Variants in TMC4 observed in about 807,000 individuals in gnomAD.
The protein encoded by TMC4 is transmembrane channel like 4, also known as voltage-gated chloride channel TMC4.
TMC4 carries 70 observed loss-of-function variants against 82.0 expected under a neutral mutation model. The observed-to-expected ratio is 0.85, with a 90% CI of 0.70 to 1.04. TMC4 has a LOEUF of 1.04. Ranked by LOEUF, TMC4 falls within the 50% of genes least tolerant of loss-of-function variation. The pLI is 0.00. For missense variants in TMC4, 879 were observed against 899.0 expected (o/e 0.98, Z 0.28); for synonymous variants, 446 against 406.0 (o/e 1.10, Z -1.18).
intron 5 of TMC4, among the ~76,000 whole-genome samples, chr19:54,166,323 CA>C (rs58329832): frequency 0.26 from 28,353 of 107,700 alleles, 2,943 homozygotes; most frequent in Non-Finnish European, 0.34. Context: ...AGGTCGCCTC[CA>C]AAAAAAAAAA....
At chr19:54,171,611 G>A (rs1347337837) in intron 2 of TMC4, among the ~76,000 whole-genome samples, 1 of 152,216 alleles carries the variant, frequency 6.6e-6, no homozygotes, top group Non-Finnish European at 1.5e-5. Flanking sequence ...GGCAGAGACA[G>A]GATTGGTGGA....
rs761780580 is a variant in TMC4, at chr19:54,161,008, G to A, written c.1843C>T (p.Pro615Ser). The A allele has an allele frequency of 6.2e-7, 1 of 1,614,146 alleles. No homozygotes were observed. Among genetic ancestry groups the A allele is most frequent in the East Asian group, 2.2e-5 (1 of 44,872 alleles). Reference protein sequence around the residue: ...FLIPPSKLCGPFRGQSSIWAQ... With the variant: ...FLIPPSKLCGSFRGQSSIWAQ... ...CAGATGGACGACTGCCCCCGGAATG[G>A]ACCACACAGCTTAGAAGGCGGGATC... The change falls in exon 13 of 15, where the codon CCA (proline) becomes TCA (serine). Residue 615 changes from proline (P) to serine (S), a missense_variant. By Grantham distance (74) the Pro-to-Ser change is moderately conservative. Coordinates refer to ENST00000619895, the MANE Select transcript of TMC4 (RefSeq NM_144686.4).
intron 11 of TMC4, among the ~76,000 whole-genome samples, 179 bp from the exon 12 acceptor site, chr19:54,161,439 C>G (rs2075552362): frequency 6.6e-6 from 1 of 150,930 alleles, no homozygotes; most frequent in Non-Finnish European, 1.5e-5. Flanking sequence ...AGCCTCCCCT[C>G]CCGGGTTCAA....
intron 5 of TMC4, among the ~76,000 whole-genome samples, chr19:54,167,076 T>A (rs752951535): frequency 6.6e-6 from 1 of 151,778 alleles, no homozygotes; most frequent in South Asian, 2.1e-4. Flanking sequence ...CTGGGCAACA[T>A]AGCAAGACCC....
intron 1 of TMC4, chr19:54,172,638 G>A: frequency 3.5e-6 from 1 of 281,904 alleles, no homozygotes; most frequent in Non-Finnish European, 6.5e-6. Context: ...CAGGAGTCCG[G>A]GTGCCAGCCT....
At position 54,165,478 on chromosome 19, in the gene TMC4, C is replaced by G; in HGVS notation, c.886G>C (p.Gly296Arg). The change falls in exon 6 of 15, where the codon GGT becomes CGT. Residue 296 changes from glycine to arginine, a missense_variant. Coordinates refer to ENST00000619895, the MANE Select transcript of TMC4 (RefSeq NM_144686.4). ...SHRVFSAWDF[G>R]LCGDVHVRLR... ...CGCACGTGGACGTCCCCGCAGAGAC[C>G]GAAGTCCCAGGCCGAGAACACCCGG... The G allele has an allele frequency of 6.2e-7, 1 of 1,613,036 alleles. No homozygotes were observed. Among genetic ancestry groups the G allele is most frequent in the Non-Finnish European group, 8.5e-7 (1 of 1,179,532 alleles).
In TMC4 at chr19:54,169,650, C is replaced by T. The variant is rs1182425370; in HGVS notation, c.304G>A (p.Ala102Thr). 1 of 1,613,412 alleles carries T rather than the reference C, an allele frequency of 6.2e-7. No individual in the cohort carries two copies. The highest frequency in any genetic ancestry group is 1.3e-5 in the African/African-American group (1 of 74,904). Residue 102 changes from alanine to threonine, a missense_variant, in exon 3 of 15, where the codon GCC becomes ACC. By Grantham distance (58) the Ala-to-Thr change is moderately conservative. Coordinates refer to ENST00000619895, the MANE Select transcript of TMC4 (RefSeq NM_144686.4). Reference sequence around the variant, plus strand: ...CCATAGACCACCTGGTCCCTGCTGGCATTTCTTTGCCTGGGAGGGAAACAG... The same window carrying T: ...CCATAGACCACCTGGTCCCTGCTGGTATTTCTTTGCCTGGGAGGGAAACAG... Reference protein sequence around the residue: ...QARRAHRQRNASRDQVVYGSG... With the variant: ...QARRAHRQRNTSRDQVVYGSG...
rs994633733 is a variant in TMC4 at position 54,164,377 on chromosome 19, C to T, written c.1113+57G>A. On this transcript the variant is annotated intron_variant, in intron 7 of 14. Coordinates refer to ENST00000619895, the MANE Select transcript of TMC4 (RefSeq NM_144686.4). ...CCCAAACTTCCGTCCCCTCCCTCCACCGTTGGAAATGTAGGTTCCAGGACC... is the reference window on the plus strand; with the variant it reads ...CCCAAACTTCCGTCCCCTCCCTCCATCGTTGGAAATGTAGGTTCCAGGACC... 3.9e-5 allele frequency: 61 copies of T among 1,548,916 alleles called. No homozygotes were observed. The African/African-American group carries it at 5.9e-4, about 15-fold the overall frequency.
Position 54,165,518 on chromosome 19 carries a change from C to G in TMC4, c.846G>C (p.Leu282=), listed in dbSNP as rs1412510772. 1 of 1,612,476 alleles carries G rather than the reference C, an allele frequency of 6.2e-7. No individual in the cohort carries two copies. The highest frequency in any genetic ancestry group is 1.1e-5 in the South Asian group (1 of 90,938). Residue 282 remains leucine, a synonymous_variant, in exon 6 of 15, where the codon CTG becomes CTC. Transcript: ENST00000619895. ...AGAACACCCGGTGGCTGTAGCTGGT[C>G]AGAGCCTCGGACTCCGCCAGCAGTG... The part of the protein sequence containing the change: ...KQTLLAESEA[L]TSYSHRVFSA...
At chr19:54,162,389 TG>T (rs779701144) in intron 10 of TMC4, 104 bp from the exon 11 acceptor site, 84,257 of 250,256 alleles carry the variant, frequency 0.34, 3,877 homozygotes, top group Admixed American at 0.36. Flanking sequence ...GTATTGGTGG[TG>T]GGGGGGGGGG....
intron 13 of TMC4, 39 bp downstream of exon 13, chr19:54,160,839 C>A (rs1433131597): frequency 6.2e-7 from 1 of 1,607,788 alleles, no homozygotes; most frequent in Non-Finnish European, 8.5e-7. Flanking sequence ...CCAGATCACA[C>A]GCATTCAAAC....
chr19:54,162,386 T>TGGGGGGGG, intron 10 of TMC4, 101 bp from the exon 11 acceptor site: 1 of 350,858 alleles, frequency 2.9e-6, no homozygotes, highest in Non-Finnish European at 4.9e-6. Flanking sequence ...TGCGTATTGG[T>TGGGGGGGG]GGTGGGGGGG....
At chr19:54,171,812 G>A (rs2075896934) in intron 2 of TMC4, 58 bp downstream of exon 2, 1 of 1,472,588 alleles carries the variant, frequency 6.8e-7, no homozygotes, top group Non-Finnish European at 9.1e-7. Context: ...CGAGTCCAGG[G>A]TATGGGAGAA....
Position 54,164,467 on chromosome 19 carries a change from G to A in TMC4, c.1080C>T (p.Val360=), listed in dbSNP as rs757134157. The change falls in exon 7 of 15, where the codon GTC becomes GTT. Residue 360 remains valine, a synonymous_variant. Transcript: ENST00000619895. ...VALLGAAFYG[V]YWATGCTVEL... ...CCACGGTGCACCCCGTAGCCCAGTA[G>A]ACGCCATAGAAGGCTGCCCCCAGGA... 6.2e-7 allele frequency: 1 copy of A among 1,613,742 alleles called. No individual in the cohort carries two copies. The highest frequency in any genetic ancestry group is 1.1e-5 in the South Asian group (1 of 91,052).
rs144687214 is a variant in TMC4, at chr19:54,165,701, C to G, written c.798-135G>C. Reference sequence around the variant, plus strand: ...GGTACTAGGCGAGTTCCCACCAGACCAGATGGGGAAAGAGTCAAAGAGGCG... The same window carrying G: ...GGTACTAGGCGAGTTCCCACCAGACGAGATGGGGAAAGAGTCAAAGAGGCG... On this transcript the variant is annotated intron_variant, in intron 5 of 14. Coordinates refer to ENST00000619895, the MANE Select transcript of TMC4 (RefSeq NM_144686.4). 1.3e-4 allele frequency: 133 copies of G among 1,004,712 alleles called. 2 individuals are homozygous for G. The South Asian group carries it at 1.5e-3, about 11-fold the overall frequency. The allele number at this position is 1,004,712 out of a possible 1,614,324, so 62.2% of individuals were successfully genotyped here. A position where few individuals can be genotyped will look rare whatever the true frequency, so the allele number is the denominator to read the frequency against.
intron 7 of TMC4, 103 bp from the exon 8 acceptor site, chr19:54,163,990 T>TC (rs2075637518): frequency 1.6e-6 from 2 of 1,278,480 alleles, no homozygotes; most frequent in Non-Finnish European, 2.1e-6. Flanking sequence ...TTTTTTTTTT[T>TC]TTGAGACAGA....
intron 10 of TMC4, 51 bp from the exon 11 acceptor site, chr19:54,162,336 G>GT: frequency 7.8e-7 from 1 of 1,286,484 alleles, no homozygotes; most frequent in Non-Finnish European, 9.9e-7. Context: ...GCGGCCTGGA[G>GT]TTTCCACGCC....
intron 2 of TMC4, among the ~76,000 whole-genome samples, chr19:54,170,268 G>A (rs929132267): frequency 3.3e-5 from 5 of 151,522 alleles, no homozygotes; most frequent in African/African-American, 9.7e-5. Context: ...CCCAGGTGTC[G>A]GAGGCTGCAG....
Position 54,160,111 on chromosome 19 carries a change from G to T in TMC4, c.*195C>A. 1.7e-6 allele frequency: 1 copy of T among 572,198 alleles called. No individual in the cohort carries two copies. Among genetic ancestry groups the T allele is most frequent in the Non-Finnish European group, 2.8e-6 (1 of 357,154 alleles). The allele number at this position is 572,198 out of a possible 1,614,324, so 35.4% of individuals were successfully genotyped here. A position where few individuals can be genotyped will look rare whatever the true frequency, so the allele number is the denominator to read the frequency against. Reference sequence around the variant, plus strand: ...GGACGCAGATTTCAAAGCGCGCTCAGCAACCTCGGCTGTATTTATTGATAC... The same window carrying T: ...GGACGCAGATTTCAAAGCGCGCTCATCAACCTCGGCTGTATTTATTGATAC... On this transcript the variant is annotated 3_prime_UTR_variant, in exon 15 of 15. Transcript: ENST00000619895.
Sources: allele counts gnomAD v4.1 joint callset (sites outside exome capture counted in the v4.1 genomes callset), GRCh38; gene constraint gnomAD v4.1.1; transcripts MANE v1.5; gene names NCBI Gene and HGNC (gene_info 2026-07-23, HGNC 2026-07-21).